BEST1: variants seen among roughly 807,000 people sequenced by gnomAD.
BEST1 encodes bestrophin-1.
BEST1 carries 58 observed loss-of-function variants against 63.3 expected under a neutral mutation model. The observed-to-expected ratio is 0.92, with a 90% CI of 0.74 to 1.14. The LOEUF (loss-of-function observed/expected upper bound fraction) is 1.14, where lower values mean the gene tolerates loss of function less well. Ranked by LOEUF, BEST1 falls within the 50% of genes most tolerant of loss-of-function variation. BEST1 has a pLI of 0.00. For synonymous variants in BEST1, 283 were observed against 291.6 expected (o/e 0.97, Z 0.30); for missense variants, 671 against 740.1 (o/e 0.91, Z 1.08).
chr11:61,956,612 G>A (rs1014288224), intron 4 of BEST1, among the ~76,000 whole-genome samples: 20 of 152,192 alleles, frequency 1.3e-4, no homozygotes, highest in Non-Finnish European at 4.4e-5. Flanking sequence ...CGCTAAGATC[G>A]CACCGCTGCA....
chr11:61,950,534 G>A (rs1382805013), intron 1 of BEST1, 107 bp downstream of exon 1: 2 of 152,580 alleles, frequency 1.3e-5, no homozygotes, highest in Non-Finnish European at 2.9e-5. Context: ...GGCAGCACAT[G>A]CGCAGGTGTG....
intron 7 of BEST1, 198 bp from the exon 8 acceptor site, chr11:61,959,300 G>T: frequency 1.6e-6 from 1 of 639,114 alleles, no homozygotes; most frequent in Non-Finnish European, 2.8e-6. Context: ...GCTCAGAAGA[G>T]TTAGAGGGGC....
chr11:61,955,534 G>T, intron 3 of BEST1, 184 bp from the exon 4 acceptor site: 1 of 1,005,954 alleles, frequency 9.9e-7, no homozygotes, highest in Non-Finnish European at 1.4e-6. Flanking sequence ...AGAACCCTTG[G>T]GGCTCTCGCG....
downstream of BEST1, chr11:61,965,214 G>T: frequency 6.3e-7 from 1 of 1,592,066 alleles, no homozygotes. Context: ...ATTACTATTT[G>T]CCTAATTTAG....
rs1941425177 is a variant in BEST1, at chr11:61,956,883, T to C, written c.521T>C (p.Leu174Pro). The change falls in exon 5 of 11, where the codon CTG (leucine) becomes CCG (proline). Residue 174 changes from leucine (L) to proline (P), a missense_variant. Transcript: ENST00000378043. ...TPAEHKQLEK[L>P]SLPHNMFWVP... Reference sequence around the variant, plus strand: ...GCAGAACACAAGCAGTTGGAGAAACTGAGCCTACCACACAACATGTTCTGG... The same window carrying C: ...GCAGAACACAAGCAGTTGGAGAAACCGAGCCTACCACACAACATGTTCTGG... 1 of 1,614,124 alleles carries C rather than the reference T, an allele frequency of 6.2e-7. No homozygotes were observed. Among genetic ancestry groups the C allele is most frequent in the Non-Finnish European group, 8.5e-7 (1 of 1,180,016 alleles).
Position 61,964,091 on chromosome 11 carries a change from T to C in BEST1, c.1740-13T>C. On this transcript the variant is annotated splice_polypyrimidine_tract_variant and intron_variant, in intron 10 of 10. Transcript: ENST00000378043. Reference sequence around the variant, plus strand: ...TTCCATACTTATGCTGTTAATACTTTCATTCTCACTAGGGATGAAGCACAT... The same window carrying C: ...TTCCATACTTATGCTGTTAATACTTCCATTCTCACTAGGGATGAAGCACAT... 1 of 1,614,016 alleles carries C rather than the reference T, an allele frequency of 6.2e-7. No individual in the cohort carries two copies. Among genetic ancestry groups the C allele is most frequent in the Non-Finnish European group, 8.5e-7 (1 of 1,180,006 alleles).
At chr11:61,959,619 C>T in intron 8 of BEST1, 41 bp downstream of exon 8, 2 of 1,605,670 alleles carry the variant, frequency 1.2e-6, no homozygotes, top group Non-Finnish European at 1.7e-6. Context: ...GGACCTTCCC[C>T]AAAGTGGACC....
At chr11:61,957,775 G>A (rs187014912) in intron 6 of BEST1, among the ~76,000 whole-genome samples, 14 of 152,264 alleles carry the variant, frequency 9.2e-5, no homozygotes, top group Middle Eastern at 6.8e-3. Context: ...TCAGGAGTTC[G>A]AGACCAGCCT....
Position 61,962,662 on chromosome 11 carries a change from A to G in BEST1, c.1508A>G (p.Lys503Arg). The G allele has an allele frequency of 6.2e-7, 1 of 1,614,238 alleles. No individual in the cohort carries two copies. Among genetic ancestry groups the G allele is most frequent in the South Asian group, 1.1e-5 (1 of 91,082 alleles). Residue 503 changes from lysine (K) to arginine (R), a missense_variant, in exon 10 of 11, where the codon AAG becomes AGG. By Grantham distance (26) the Lys-to-Arg change is conservative (BLOSUM62 2). Coordinates refer to ENST00000378043, the MANE Select transcript of BEST1 (RefSeq NM_004183.4). ...TGIDTKDKSL[K>R]TVSSGAKKSF... Reference sequence around the variant, plus strand: ...ATAGACACCAAAGACAAAAGCTTAAAGACTGTGAGTTCTGGGGCCAAGAAA... The same window carrying G: ...ATAGACACCAAAGACAAAAGCTTAAGGACTGTGAGTTCTGGGGCCAAGAAA...
Position 61,955,219 on chromosome 11 carries a change from G to A in BEST1, c.247+18G>A, listed in dbSNP as rs369486390. On this transcript the variant is annotated intron_variant, in intron 3 of 10. Coordinates refer to ENST00000378043, the MANE Select transcript of BEST1 (RefSeq NM_004183.4). Reference sequence around the variant, plus strand: ...CGTGCTGGGTGAGTTCCCCCTTCTGGCTGTTCCGGGTCCCTGTGGCCGCCC... The same window carrying A: ...CGTGCTGGGTGAGTTCCCCCTTCTGACTGTTCCGGGTCCCTGTGGCCGCCC... 3 of 1,614,016 alleles carry A rather than the reference G, an allele frequency of 1.9e-6. No individual in the cohort carries two copies. The highest frequency in any genetic ancestry group is 2.7e-5 in the African/African-American group (2 of 74,918).
chr11:61,955,918 CGCTTCCCCAGCGCCCAGCACCTGGT>C lies in BEST1; in HGVS notation c.451_475del (p.Phe151LysfsTer5). 1 of 1,549,962 alleles carries C rather than the reference CGCTTCCCCAGCGCCCAGCACCTGGT, an allele frequency of 6.5e-7. No homozygotes were observed. The highest frequency in any genetic ancestry group is 8.7e-7 in the Non-Finnish European group (1 of 1,146,710). Reference sequence around the variant, plus strand: ...CAGCGTCAGCACCGCAGTCTACAAGCGCTTCCCCAGCGCCCAGCACCTGGTGCAAGCAGGTGGGCGGACCGGGAGC... The same window carrying C: ...CAGCGTCAGCACCGCAGTCTACAAGCGCAAGCAGGTGGGCGGACCGGGAGC... On this transcript the variant is annotated frameshift_variant, in exon 4 of 11. Transcript: ENST00000378043. LOFTEE classifies it high-confidence loss of function.
chr11:61,960,923 CA>C, intron 9 of BEST1: 1 of 152,496 alleles, frequency 6.6e-6, no homozygotes, highest in South Asian at 2.1e-4. Flanking sequence ...CCCAGGACAA[CA>C]GAGTTGAAAG....
At chr11:61,950,200 G>T (rs1384140961), upstream of BEST1, 2 of 152,638 alleles carry the variant, frequency 1.3e-5, no homozygotes, top group Non-Finnish European at 2.9e-5. Flanking sequence ...GCCATGGCCA[G>T]GCTGTGCTAG....
At chr11:61,953,709 A>C (rs980527713) in intron 2 of BEST1, among the ~76,000 whole-genome samples, 2 of 152,030 alleles carry the variant, frequency 1.3e-5, no homozygotes, top group African/African-American at 4.8e-5. Flanking sequence ...GACTCCGTCT[A>C]AAAATAAAAT....
In BEST1 at chr11:61,962,411, C is replaced by G. The variant is rs1200427660; in HGVS notation, c.1257C>G (p.Ser419=). Residue 419 remains serine (S), a synonymous_variant, in exon 10 of 11, where the codon TCC becomes TCG. Transcript: ENST00000378043. Reference sequence around the variant, plus strand: ...AACTACTGTGGCCCAAGAGGGAATCCCTTCTCCACGAGGGCCTGCCCAAAA... The same window carrying G: ...AACTACTGTGGCCCAAGAGGGAATCGCTTCTCCACGAGGGCCTGCCCAAAA... ...RTKLLWPKRE[S]LLHEGLPKNH... The G allele has an allele frequency of 6.2e-7, 1 of 1,614,058 alleles. No homozygotes were observed. Among genetic ancestry groups the G allele is most frequent in the East Asian group, 2.2e-5 (1 of 44,892 alleles).
chr11:61,964,301 T>C lies in BEST1; in HGVS notation c.*179T>C. ...CCAGACTACTTCAGCCTTTAATGCC[T>C]TTTATTCATAAAAACTGTGAAAGCT... On this transcript the variant is annotated 3_prime_UTR_variant, in exon 11 of 11. Transcript: ENST00000378043. 1 of 1,202,356 alleles carries C rather than the reference T, an allele frequency of 8.3e-7. No homozygotes were observed. The highest frequency in any genetic ancestry group is 1.1e-6 in the Non-Finnish European group (1 of 873,048). 74.5% of individuals were successfully genotyped at this position (1,202,356 alleles called of 1,614,324 possible).
Position 61,951,959 on chromosome 11 carries a change from G to T in BEST1, c.152+1G>T. 1 of 1,613,568 alleles carries T rather than the reference G, an allele frequency of 6.2e-7. No individual in the cohort carries two copies. Among genetic ancestry groups the T allele is most frequent in the Non-Finnish European group, 8.5e-7 (1 of 1,179,930 alleles). On this transcript the variant is annotated splice_donor_variant, in intron 2 of 10. Transcript: ENST00000378043. LOFTEE classifies it high-confidence loss of function. ...ACTACATCATCCGCTTTATTTATAG[G>T]TAAAGCTGGCAGGGCTGGGCCGGGG...
chr11:61,958,146 G>C lies in BEST1; in HGVS notation c.715G>C (p.Val239Leu). ...WISIPLVYTQ[V>L]VTVAVYSFFL... ...TACCACATCCTCCTCCTCCTCCCAG[G>C]TGGTGACTGTGGCGGTGTACAGCTT... is the stretch of plus-strand genomic sequence containing the variant. The change falls in exon 7 of 11, where the codon GTG (valine) becomes CTG (leucine). Residue 239 changes from valine (V) to leucine (L), a missense_variant and splice_region_variant. Coordinates refer to ENST00000378043, the MANE Select transcript of BEST1 (RefSeq NM_004183.4). The C allele has an allele frequency of 1.7e-5, 11 of 632,208 alleles. No homozygotes were observed. Among genetic ancestry groups the C allele is most frequent in the Non-Finnish European group, 2.6e-5 (11 of 419,096 alleles). The allele number at this position is 632,208 out of a possible 1,614,324, so 39.2% of individuals were successfully genotyped here. A position where few individuals can be genotyped will look rare whatever the true frequency, so the allele number is the denominator to read the frequency against.
chr11:61,964,793 G>A (rs371388537), downstream of BEST1: 75 of 1,599,970 alleles, frequency 4.7e-5, no homozygotes, highest in East Asian at 1.3e-3. Flanking sequence ...AGCCAGATTC[G>A]GGCGCTCCCA....
Sources: gnomAD v4.1 joint callset for allele counts (sites outside exome capture counted in the v4.1 genomes callset) on GRCh38, gnomAD v4.1.1 for gene constraint, MANE v1.5 for transcripts, NCBI Gene and HGNC (gene_info 2026-07-23, HGNC 2026-07-21) for gene names.